FAM20A: variants seen among roughly 807,000 people sequenced by gnomAD.
FAM20A encodes the protein FAM20A golgi associated secretory pathway pseudokinase, also known as pseudokinase FAM20A.
FAM20A carries 42 observed loss-of-function variants against 52.0 expected under a neutral mutation model. That is an observed-to-expected ratio of 0.81 (90% CI 0.63 to 1.04). The LOEUF is 1.04. FAM20A is among the 50% of genes least tolerant of loss of function. The pLI is 0.00. For synonymous variants in FAM20A, 304 were observed against 298.9 expected (o/e 1.02, Z -0.18); for missense variants, 742 against 712.7 (o/e 1.04, Z -0.47).
chr17:68,554,899 T>C, intron 2 of FAM20A, 72 bp from the exon 3 acceptor site: 2 of 1,495,574 alleles, frequency 1.3e-6, no homozygotes, highest in Non-Finnish European at 1.9e-6. Flanking sequence ...TGGAGGTCCC[T>C]TGACTCTGGT....
chr17:68,586,555 G>A (rs908140310), intron 1 of FAM20A, among the ~76,000 whole-genome samples: 1 of 152,230 alleles, frequency 6.6e-6, no homozygotes, highest in African/African-American at 2.4e-5. Flanking sequence ...AGAAGACACA[G>A]ACAGACAAAG....
chr17:68,575,789 T>TACACACACACACAC lies in FAM20A; in HGVS notation c.405-20047_405-20046insGTGTGTGTGTGTGT, dbSNP rs1491430631. 2.0e-3 allele frequency among the ~76,000 whole-genome samples: 81 copies of TACACACACACACAC among 41,334 alleles called. 1 individual carries two copies. The highest frequency in any genetic ancestry group is 5.1e-3 in the African/African-American group (53 of 10,296). The allele number at this position is 41,334 out of a possible 152,430, so 27.1% of individuals were successfully genotyped here. ...ATTTTATATATTGTATATTTTATAT[T>TACACACACACACAC]ATACACACACACACACACACACACA... On this transcript the variant is annotated intron_variant, in intron 1 of 10. Transcript: ENST00000592554.
Position 68,539,365 on chromosome 17 carries a change from T to G in FAM20A, c.1333A>C (p.Ile445Leu). 1.2e-6 allele frequency: 2 copies of G among 1,614,064 alleles called. No individual in the cohort carries two copies. Among genetic ancestry groups the G allele is most frequent in the Non-Finnish European group, 1.7e-6 (2 of 1,179,998 alleles). The change falls in exon 10 of 11, where the codon ATC becomes CTC. Residue 445 changes from isoleucine (I) to leucine (L), a missense_variant. Physicochemically the swap from Ile to Leu is conservative, Grantham distance 5. Transcript: ENST00000592554. ...FGRHSHDEIS[I>L]LSPLSQCCMI... is the part of the protein sequence containing the mutation. ...CAGCACTGGGAGAGAGGCGAGAGGA[T>G]GGAGATTTCATCATGGGAGTGTCGT...
At chr17:68,540,779 C>G (rs150919007) in intron 8 of FAM20A, 70 bp downstream of exon 8, 52 of 1,543,334 alleles carry the variant, frequency 3.4e-5, no homozygotes, top group Non-Finnish European at 4.6e-5. Flanking sequence ...AGTTTGTGCT[C>G]AAGGTCACGG....
At position 68,540,967 on chromosome 17, in the gene FAM20A, GAGA is replaced by G. The variant is rs774319761; in HGVS notation, c.1110-12_1110-10del. On this transcript the variant is annotated splice_polypyrimidine_tract_variant and intron_variant, in intron 7 of 10. Transcript: ENST00000592554. ...GGGGATTGACCTCCCACCTGAGGGGGAGAAGAAGTCCTGGGGCTGGAAAAGCCA... is the reference window on the plus strand; with the variant it reads ...GGGGATTGACCTCCCACCTGAGGGGGAGAAGTCCTGGGGCTGGAAAAGCCA... 1.8e-5 allele frequency: 28 copies of G among 1,574,812 alleles called. No homozygotes were observed. The highest frequency in any genetic ancestry group is 2.3e-5 in the South Asian group (2 of 86,598).
chr17:68,573,995 T>G (rs886768608), intron 1 of FAM20A, among the ~76,000 whole-genome samples: 1 of 151,872 alleles, frequency 6.6e-6, no homozygotes, highest in Non-Finnish European at 1.5e-5. Flanking sequence ...TTTCTTACAG[T>G]TTTAGAGGCT....
intron 1 of FAM20A, among the ~76,000 whole-genome samples, chr17:68,599,520 A>AT (rs1342451214): frequency 1.4e-4 from 21 of 152,162 alleles, no homozygotes; most frequent in Non-Finnish European, 2.5e-4. Context: ...TCCCTGAAAG[A>AT]TTTTTTTCTC....
Position 68,540,594 on chromosome 17 carries a change from C to T in FAM20A, c.1219+255G>A, listed in dbSNP as rs368863976. On this transcript the variant is annotated intron_variant, in intron 8 of 10. Transcript: ENST00000592554. ...AGTGAACATACAGCTTCCAATCTGACGCCCACTCAGGCCCGTGGCAGGGTG... is the reference window on the plus strand; with the variant it reads ...AGTGAACATACAGCTTCCAATCTGATGCCCACTCAGGCCCGTGGCAGGGTG... 4.8e-5 allele frequency: 28 copies of T among 580,374 alleles called. No homozygotes were observed. In the East Asian group the frequency reaches 7.6e-4, roughly 16 times the overall value. The allele number at this position is 580,374 out of a possible 1,614,324, so 36.0% of individuals were successfully genotyped here.
At chr17:68,553,669 A>C (rs537025014) in intron 3 of FAM20A, among the ~76,000 whole-genome samples, 1 of 152,024 alleles carries the variant, frequency 6.6e-6, no homozygotes, top group Non-Finnish European at 1.5e-5. Context: ...CTGAACTTGA[A>C]TCAAAACCCC....
At chr17:68,596,104 G>A (rs1172496803) in intron 1 of FAM20A, among the ~76,000 whole-genome samples, 2 of 152,134 alleles carry the variant, frequency 1.3e-5, no homozygotes, top group Non-Finnish European at 2.9e-5. Context: ...TCTCTTTGCG[G>A]TGATTTTCAA....
In FAM20A at chr17:68,550,365, G is replaced by A. The variant is rs190931909; in HGVS notation, c.719+1508C>T. ...GGATCTTTCACATAGGAAAAATGGG[G>A]GAACTTTTTTTTTTTTTTTTTTTTT... On this transcript the variant is annotated intron_variant, in intron 4 of 10. Transcript: ENST00000592554. Among the ~76,000 whole-genome samples the A allele has an allele frequency of 1.6e-3, 215 of 136,386 alleles. 1 individual carries two copies. In the East Asian group the frequency reaches 0.045, roughly 28 times the overall value. 89.5% of individuals were successfully genotyped at this position (136,386 alleles called of 152,430 possible).
At chr17:68,583,748 A>G (rs1204734954) in intron 1 of FAM20A, among the ~76,000 whole-genome samples, 1 of 152,098 alleles carries the variant, frequency 6.6e-6, no homozygotes, top group East Asian at 1.9e-4. Flanking sequence ...CTAAAAACAG[A>G]AAAAGTTAGC....
chr17:68,565,984 G>A (rs1353477451), intron 1 of FAM20A, among the ~76,000 whole-genome samples: 1 of 151,986 alleles, frequency 6.6e-6, no homozygotes, highest in Non-Finnish European at 1.5e-5. Context: ...CCCACCCATT[G>A]CCCTCCTACC....
In FAM20A at chr17:68,543,804, G is replaced by T. The variant is rs752189492; in HGVS notation, c.720-83C>A. ...GAGAGCTGATGAGCATGACCAGCGAGAAAGGAAAACGGGCTTTTATGCTTT... is the reference window on the plus strand; with the variant it reads ...GAGAGCTGATGAGCATGACCAGCGATAAAGGAAAACGGGCTTTTATGCTTT... On this transcript the variant is annotated intron_variant, in intron 4 of 10. Transcript: ENST00000592554. 8 of 1,235,862 alleles carry T rather than the reference G, an allele frequency of 6.5e-6. No individual in the cohort carries two copies. In the Admixed American group the frequency reaches 1.4e-4, roughly 21 times the overall value. The allele number at this position is 1,235,862 out of a possible 1,614,324, so 76.6% of individuals were successfully genotyped here.
intron 1 of FAM20A, among the ~76,000 whole-genome samples, chr17:68,597,096 C>A (rs909655012): frequency 6.6e-6 from 1 of 151,990 alleles, no homozygotes; most frequent in Non-Finnish European, 1.5e-5. Context: ...CAAAAAGGAA[C>A]GTGTGGGTGA....
intron 1 of FAM20A, among the ~76,000 whole-genome samples, chr17:68,573,302 T>C (rs779849770): frequency 2.0e-5 from 3 of 152,252 alleles, no homozygotes; most frequent in Non-Finnish European, 4.4e-5. Flanking sequence ...ACCCACCTTA[T>C]AGAATTTTAG....
intron 1 of FAM20A, among the ~76,000 whole-genome samples, chr17:68,589,131 C>T (rs1464527094): frequency 6.6e-6 from 1 of 152,230 alleles, no homozygotes; most frequent in Non-Finnish European, 1.5e-5. Flanking sequence ...GGCTTCTACC[C>T]TCTTTTGCAA....
intron 1 of FAM20A, among the ~76,000 whole-genome samples, chr17:68,578,587 A>C (rs1381670206): frequency 6.6e-6 from 1 of 152,122 alleles, no homozygotes; most frequent in Non-Finnish European, 1.5e-5. Context: ...CTGTTCTCAG[A>C]AGATAGCTGG....
At chr17:68,546,975 G>A (rs1200765173) in intron 4 of FAM20A, among the ~76,000 whole-genome samples, 2 of 152,058 alleles carry the variant, frequency 1.3e-5, no homozygotes, top group African/African-American at 2.4e-5. Flanking sequence ...GTGACTAGGT[G>A]TATTACCAAT....
Sources: gnomAD v4.1 joint callset for allele counts (sites outside exome capture counted in the v4.1 genomes callset) on GRCh38, gnomAD v4.1.1 for gene constraint, MANE v1.5 for transcripts, NCBI Gene and HGNC (gene_info 2026-07-23, HGNC 2026-07-21) for gene names.